UGGT2: variants seen among roughly 807,000 people sequenced by gnomAD.
UGGT2 encodes the protein UDP-glucose glycoprotein glucosyltransferase 2.
Under a neutral mutation model 192.1 loss-of-function variants are expected in UGGT2, and 180 were observed. The ratio of observed to expected loss-of-function variants is 0.94; its 90% CI spans 0.83 to 1.06. The LOEUF (loss-of-function observed/expected upper bound fraction) is 1.06, where lower values mean the gene tolerates loss of function less well. Among genes scored for constraint, UGGT2 ranks in the 50% least tolerant of loss-of-function variants. The probability of loss-of-function intolerance (pLI) is 0.00; values close to 1 mark genes in which losing one functional copy is unlikely to be tolerated. For synonymous variants in UGGT2, 580 were observed against 591.0 expected (o/e 0.98, Z 0.27); for missense variants, 1,849 against 1,795.7 (o/e 1.03, Z -0.54).
chr13:95,920,921 T>C (rs993775882), intron 20 of UGGT2, among the ~76,000 whole-genome samples: 3 of 152,086 alleles, frequency 2.0e-5, no homozygotes, highest in African/African-American at 7.2e-5. Flanking sequence ...CCATTGACAA[T>C]AGTAAAGACA....
chr13:96,035,698 T>C (rs1251302214), intron 1 of UGGT2, among the ~76,000 whole-genome samples: 2 of 147,586 alleles, frequency 1.4e-5, no homozygotes, highest in African/African-American at 2.5e-5. Context: ...ATAAGGAACT[T>C]CAACAAATTT....
intron 5 of UGGT2, among the ~76,000 whole-genome samples, chr13:96,007,041 C>T (rs1447852988): frequency 6.6e-6 from 1 of 152,058 alleles, no homozygotes; most frequent in Non-Finnish European, 1.5e-5. Flanking sequence ...TGTAAAAATC[C>T]TCAACAACAT....
Position 96,031,870 on chromosome 13 carries a change from A to C in UGGT2, c.241+19T>G, listed in dbSNP as rs371205005. 1 of 1,571,170 alleles carries C rather than the reference A, an allele frequency of 6.4e-7. No individual in the cohort carries two copies. The highest frequency in any genetic ancestry group is 1.4e-5 in the African/African-American group (1 of 73,626). Reference sequence around the variant, plus strand: ...ACATAAATACAAATCTTACAAGTTAAAATTTACATATCACCTACCTGTTTG... The same window carrying C: ...ACATAAATACAAATCTTACAAGTTACAATTTACATATCACCTACCTGTTTG... On this transcript the variant is annotated intron_variant, in intron 2 of 38. Coordinates refer to ENST00000376747, the MANE Select transcript of UGGT2 (RefSeq NM_020121.4).
intron 36 of UGGT2, among the ~76,000 whole-genome samples, chr13:95,841,029 A>C (rs1172685031): frequency 6.6e-6 from 1 of 152,130 alleles, no homozygotes. Flanking sequence ...GGAGGGGAAC[A>C]TCACCCACTG....
chr13:96,039,499 T>C (rs577143088), intron 1 of UGGT2, among the ~76,000 whole-genome samples: 10 of 152,258 alleles, frequency 6.6e-5, no homozygotes, highest in African/African-American at 2.2e-4. Context: ...CAGCAAAAGG[T>C]TGTCCTGCCA....
chr13:95,841,227 GAAAATA>G (rs1007218801), intron 36 of UGGT2, among the ~76,000 whole-genome samples: 1 of 152,186 alleles, frequency 6.6e-6, no homozygotes, highest in South Asian at 2.1e-4. Flanking sequence ...AAAAAACACG[GAAAATA>G]AAAATAAAAA....
chr13:95,889,034 G>A (rs1238917172), intron 25 of UGGT2, among the ~76,000 whole-genome samples: 1 of 151,920 alleles, frequency 6.6e-6, no homozygotes, highest in East Asian at 1.9e-4. Flanking sequence ...TGCCCAGGCT[G>A]GTCTTGAATT....
At chr13:95,999,087 TC>T (rs1416565491) in intron 6 of UGGT2, 123 bp downstream of exon 6, 2 of 563,672 alleles carry the variant, frequency 3.5e-6, no homozygotes, top group Non-Finnish European at 6.1e-6. Context: ...GAAGAATATG[TC>T]CACCCCATCT....
At chr13:95,902,297 C>T (rs906154357) in intron 21 of UGGT2, among the ~76,000 whole-genome samples, 9 of 152,090 alleles carry the variant, frequency 5.9e-5, no homozygotes, top group Non-Finnish European at 1.3e-4. Context: ...AAAGTACATA[C>T]TGCCACTCTA....
intron 1 of UGGT2, among the ~76,000 whole-genome samples, chr13:96,038,657 G>C (rs557864286): frequency 4.9e-4 from 74 of 152,122 alleles, no homozygotes; most frequent in Non-Finnish European, 9.3e-4. Context: ...CCAAAAGTCT[G>C]AAGTCAAGGT....
intron 37 of UGGT2, among the ~76,000 whole-genome samples, chr13:95,833,590 T>C (rs1052361624): frequency 1.3e-4 from 20 of 152,304 alleles, no homozygotes; most frequent in East Asian, 1.2e-3. Context: ...GTTTAAACTA[T>C]TGAGTACTAC....
At chr13:95,824,517 G>A (rs965564894) in intron 38 of UGGT2, among the ~76,000 whole-genome samples, 2 of 151,850 alleles carry the variant, frequency 1.3e-5, no homozygotes, top group African/African-American at 4.8e-5. Flanking sequence ...TGTCTTATTG[G>A]ATTAATCAAA....
intron 5 of UGGT2, among the ~76,000 whole-genome samples, chr13:96,001,107 A>C (rs1277682546): frequency 2.0e-5 from 3 of 152,178 alleles, no homozygotes; most frequent in African/African-American, 7.2e-5. Context: ...CAGGCCTCTG[A>C]GCCCAAACCC....
chr13:95,859,901 A>G (rs1200704219), intron 32 of UGGT2: 8 of 362,016 alleles, frequency 2.2e-5, no homozygotes, highest in Non-Finnish European at 4.0e-5. Context: ...ATGTGAAGAA[A>G]TAAACTAAAA....
Position 95,860,833 on chromosome 13 carries a change from T to C in UGGT2, c.3695A>G (p.Asn1232Ser), listed in dbSNP as rs1401566064. Reference sequence around the variant, plus strand: ...ATGACCAGAAGCAACTGAAAAAATGTTTAGGACATCTTTTTCCTTTTTGTT... The same window carrying C: ...ATGACCAGAAGCAACTGAAAAAATGCTTAGGACATCTTTTTCCTTTTTGTT... ...KENKKEKDVLNIFSVASGHLY... is the reference protein window; with the variant it reads ...KENKKEKDVLSIFSVASGHLY... Residue 1232 changes from asparagine (N) to serine (S), a missense_variant, in exon 32 of 39, where the codon AAC (asparagine) becomes AGC (serine). By Grantham distance (46) the Asn-to-Ser change is conservative (BLOSUM62 1). Coordinates refer to ENST00000376747, the MANE Select transcript of UGGT2 (RefSeq NM_020121.4). The C allele has an allele frequency of 2.5e-6, 4 of 1,571,914 alleles. No individual in the cohort carries two copies. Among genetic ancestry groups the C allele is most frequent in the Non-Finnish European group, 3.4e-6 (4 of 1,160,396 alleles).
At chr13:95,974,671 G>A (rs1198397749) in intron 10 of UGGT2, among the ~76,000 whole-genome samples, 1 of 152,198 alleles carries the variant, frequency 6.6e-6, no homozygotes, top group Non-Finnish European at 1.5e-5. Flanking sequence ...GTATATTTGA[G>A]TATGTAATTT....
intron 12 of UGGT2, among the ~76,000 whole-genome samples, chr13:95,962,864 T>C (rs573816000): frequency 6.6e-6 from 1 of 151,986 alleles, no homozygotes; most frequent in Non-Finnish European, 1.5e-5. Context: ...TACAGTTCCA[T>C]ATGACTGGGG....
At chr13:95,987,849 C>T (rs747137011) in intron 8 of UGGT2, among the ~76,000 whole-genome samples, 5 of 152,168 alleles carry the variant, frequency 3.3e-5, no homozygotes, top group Non-Finnish European at 5.9e-5. Context: ...CCCGCATCCA[C>T]TCTTTCCTGC....
At chr13:96,004,668 C>T (rs1333549760) in intron 5 of UGGT2, among the ~76,000 whole-genome samples, 4 of 147,268 alleles carry the variant, frequency 2.7e-5, no homozygotes, top group Non-Finnish European at 6.0e-5. Flanking sequence ...TCTCCCAATG[C>T]TATCCCTCCC....
Sources: allele counts gnomAD v4.1 joint callset (sites outside exome capture counted in the v4.1 genomes callset), GRCh38; gene constraint gnomAD v4.1.1; transcripts MANE v1.5; gene names NCBI Gene and HGNC (gene_info 2026-07-23, HGNC 2026-07-21).